ST6GALNAC5: variants seen among roughly 807,000 people sequenced by gnomAD.
The protein encoded by ST6GALNAC5 is alpha-N-acetylgalactosaminide alpha-2,6-sialyltransferase 5.
ST6GALNAC5 carries 27 observed loss-of-function variants against 33.6 expected under a neutral mutation model. The observed-to-expected ratio is 0.80, with a 90% CI of 0.59 to 1.11. The LOEUF is 1.11. Ranked by LOEUF, ST6GALNAC5 falls within the 50% of genes least tolerant of loss-of-function variation. The pLI is 0.00. For missense variants in ST6GALNAC5, 428 were observed against 454.0 expected (o/e 0.94, Z 0.52); for synonymous variants, 194 against 171.2 (o/e 1.13, Z -1.04).
intron 2 of ST6GALNAC5, among the ~76,000 whole-genome samples, chr1:76,967,704 T>TTC (rs1342161345): frequency 3.3e-5 from 5 of 151,622 alleles, no homozygotes; most frequent in Non-Finnish European, 7.4e-5. Flanking sequence ...CTTTCCTGCT[T>TTC]TCTTGTGGGC....
At chr1:76,901,643 C>T (rs1341787560) in intron 2 of ST6GALNAC5, among the ~76,000 whole-genome samples, 1 of 152,148 alleles carries the variant, frequency 6.6e-6, no homozygotes, top group Admixed American at 6.6e-5. Flanking sequence ...TTTGTGCTAG[C>T]TATGAGTGAA....
At chr1:76,994,443 T>A (rs1297118864) in intron 2 of ST6GALNAC5, among the ~76,000 whole-genome samples, 2 of 152,228 alleles carry the variant, frequency 1.3e-5, no homozygotes, top group East Asian at 3.8e-4. Context: ...TAGCCTGGGA[T>A]AAGTTATGGA....
At chr1:76,933,787 C>G (rs982086597) in intron 2 of ST6GALNAC5, among the ~76,000 whole-genome samples, 2 of 132,444 alleles carry the variant, frequency 1.5e-5, no homozygotes, top group African/African-American at 3.0e-5. Context: ...AAAAAAAAAG[C>G]CCAGAAAGTA....
intron 2 of ST6GALNAC5, among the ~76,000 whole-genome samples, chr1:77,042,446 T>C (rs145084821): frequency 6.6e-5 from 10 of 152,350 alleles, no homozygotes; most frequent in African/African-American, 2.4e-4. Flanking sequence ...GTGCCTGTCA[T>C]GTAAGAGTAA....
chr1:77,045,965 C>T (rs766141106), intron 3 of ST6GALNAC5, among the ~76,000 whole-genome samples: 7 of 152,192 alleles, frequency 4.6e-5, no homozygotes, highest in Non-Finnish European at 8.8e-5. Flanking sequence ...AGTGACCTTA[C>T]GTGTGAAAAG....
intron 2 of ST6GALNAC5, among the ~76,000 whole-genome samples, chr1:77,039,142 G>T (rs1402010560): frequency 6.6e-6 from 1 of 152,198 alleles, no homozygotes; most frequent in Non-Finnish European, 1.5e-5. Context: ...CTCCTGTACA[G>T]CATGCTGGCT....
At chr1:76,996,782 T>C (rs1024110246) in intron 2 of ST6GALNAC5, among the ~76,000 whole-genome samples, 11 of 152,196 alleles carry the variant, frequency 7.2e-5, no homozygotes, top group African/African-American at 2.7e-4. Context: ...TCTTTTCCCT[T>C]ATTCCAGTGT....
intron 2 of ST6GALNAC5, among the ~76,000 whole-genome samples, chr1:76,989,808 G>T (rs1185586825): frequency 6.6e-6 from 1 of 151,978 alleles, no homozygotes. Flanking sequence ...AGGGTAGAAG[G>T]TCACATCCTG....
intron 2 of ST6GALNAC5, among the ~76,000 whole-genome samples, chr1:76,889,673 C>T (rs1020638658): frequency 3.9e-5 from 6 of 151,990 alleles, no homozygotes; most frequent in Admixed American, 1.3e-4. Context: ...CTGTTCTCTT[C>T]GTAATGTTTT....
intron 2 of ST6GALNAC5, among the ~76,000 whole-genome samples, chr1:76,988,231 TTTTA>T (rs1311934149): frequency 6.6e-6 from 1 of 152,066 alleles, no homozygotes; most frequent in Non-Finnish European, 1.5e-5. Context: ...TGTGACTGGT[TTTTA>T]TTTATGCTAT....
At chr1:76,930,134 A>T (rs1647125578) in intron 2 of ST6GALNAC5, among the ~76,000 whole-genome samples, 1 of 152,120 alleles carries the variant, frequency 6.6e-6, no homozygotes. Context: ...TCAAATCCTG[A>T]TCCTTCCCCC....
intron 2 of ST6GALNAC5, among the ~76,000 whole-genome samples, chr1:76,917,799 G>T (rs567949223): frequency 1.7e-4 from 26 of 152,078 alleles, no homozygotes; most frequent in Non-Finnish European, 3.7e-4. Context: ...AAGGCTAGTA[G>T]GCTGAAGACC....
chr1:76,996,537 G>T (rs747326717), intron 2 of ST6GALNAC5, among the ~76,000 whole-genome samples: 4 of 152,176 alleles, frequency 2.6e-5, no homozygotes, highest in Non-Finnish European at 4.4e-5. Context: ...CAGGTTAAAT[G>T]GAAGGAAAAG....
chr1:77,004,321 G>A (rs1345352916), intron 2 of ST6GALNAC5, among the ~76,000 whole-genome samples: 10 of 147,952 alleles, frequency 6.8e-5, no homozygotes, highest in East Asian at 2.1e-4. Flanking sequence ...CGTAGTTCTC[G>A]AGCCTTGGTT....
At chr1:76,889,712 G>C (rs959835246) in intron 2 of ST6GALNAC5, among the ~76,000 whole-genome samples, 2 of 151,912 alleles carry the variant, frequency 1.3e-5, no homozygotes, top group African/African-American at 4.8e-5. Context: ...AATGAATTCT[G>C]GACAGTTTCT....
chr1:76,870,781 G>C lies in ST6GALNAC5; in HGVS notation c.261+2039G>C, dbSNP rs78442982. Among the ~76,000 whole-genome samples, 18 of 152,248 alleles carry C rather than the reference G, an allele frequency of 1.2e-4. No homozygotes were observed. In the East Asian group the frequency reaches 3.3e-3, roughly 28 times the overall value. On this transcript the variant is annotated intron_variant, in intron 2 of 4. Coordinates refer to ENST00000477717, the MANE Select transcript of ST6GALNAC5 (RefSeq NM_030965.3). ...GAAGAAGGTCTTTGGAGATAATTAT[G>C]AATATCAATGAAATTATCTCATGGA...
intron 4 of ST6GALNAC5, chr1:77,060,283 T>C (rs1226877645): frequency 6.6e-6 from 1 of 152,140 alleles, no homozygotes; most frequent in Non-Finnish European, 1.5e-5. Flanking sequence ...GGAACTTGAG[T>C]ACCAGAATTC....
intron 2 of ST6GALNAC5, among the ~76,000 whole-genome samples, chr1:77,000,479 G>C (rs1650105502): frequency 8.0e-6 from 1 of 125,296 alleles, no homozygotes; most frequent in Non-Finnish European, 1.7e-5. Flanking sequence ...TTGCTGTGCA[G>C]AAGCTCTTTA....
chr1:76,876,653 A>G (rs921499016), intron 2 of ST6GALNAC5, among the ~76,000 whole-genome samples: 7 of 152,120 alleles, frequency 4.6e-5, no homozygotes, highest in Admixed American at 3.9e-4. Context: ...CTCACATCGG[A>G]CCGTTTCTCC....
Sources: allele counts gnomAD v4.1 joint callset (sites outside exome capture counted in the v4.1 genomes callset), GRCh38; gene constraint gnomAD v4.1.1; transcripts MANE v1.5; gene names NCBI Gene and HGNC (gene_info 2026-07-23, HGNC 2026-07-21).